The following GAB2 variants were observed in gnomAD, a reference collection of about 807,000 sequenced individuals.
The protein encoded by GAB2 is GRB2 associated binding protein 2.
Under a neutral mutation model 65.5 loss-of-function variants are expected in GAB2, and 26 were observed. That is an observed-to-expected ratio of 0.40 (90% CI 0.29 to 0.55). The LOEUF (loss-of-function observed/expected upper bound fraction) is 0.55. Ranked by LOEUF, GAB2 falls within the 20% of genes least tolerant of loss-of-function variation. GAB2 has a pLI of 0.53. For synonymous variants in GAB2, 321 were observed against 329.6 expected (o/e 0.97, Z 0.28); for missense variants, 884 against 875.8 (o/e 1.01, Z -0.12).
intron 1 of GAB2, among the ~76,000 whole-genome samples, chr11:78,404,106 T>C (rs1434148688): frequency 6.6e-6 from 1 of 152,232 alleles, no homozygotes; most frequent in Non-Finnish European, 1.5e-5. Context: ...CACTGCTGGC[T>C]ATATATCCAA....
chr11:78,386,861 C>T (rs965835201), intron 1 of GAB2, among the ~76,000 whole-genome samples: 7 of 152,160 alleles, frequency 4.6e-5, no homozygotes, highest in South Asian at 2.1e-4. Context: ...CTATCTCTTA[C>T]GAAGAGACAA....
intron 8 of GAB2, 32 bp downstream of exon 8, chr11:78,221,645 G>A: frequency 7.2e-7 from 1 of 1,398,192 alleles, no homozygotes. Context: ...GGACTTGAAA[G>A]GCGTCATTCC....
chr11:78,350,754 C>T (rs972408933), intron 1 of GAB2, among the ~76,000 whole-genome samples: 4 of 152,186 alleles, frequency 2.6e-5, no homozygotes, highest in Admixed American at 6.5e-5. Context: ...TTTACTAAAG[C>T]TCCTTTGCTT....
At chr11:78,275,697 C>A (rs1254275760) in intron 2 of GAB2, among the ~76,000 whole-genome samples, 1 of 152,016 alleles carries the variant, frequency 6.6e-6, no homozygotes, top group Non-Finnish European at 1.5e-5. Flanking sequence ...TAAAATAATT[C>A]CTTTAAAAAG....
intron 1 of GAB2, among the ~76,000 whole-genome samples, chr11:78,343,666 G>A (rs1457725840): frequency 6.6e-6 from 1 of 152,128 alleles, no homozygotes; most frequent in Non-Finnish European, 1.5e-5. Context: ...CAGCAGCACT[G>A]TCAAATACAA....
intron 1 of GAB2, among the ~76,000 whole-genome samples, chr11:78,281,418 T>A (rs1374985588): frequency 6.6e-6 from 1 of 152,148 alleles, no homozygotes; most frequent in Non-Finnish European, 1.5e-5. Flanking sequence ...GCTAATTTTG[T>A]GTTTTTAGTA....
At chr11:78,417,608 C>A in intron 1 of GAB2, 38 bp downstream of exon 1, 1 of 1,205,922 alleles carries the variant, frequency 8.3e-7, no homozygotes, top group Non-Finnish European at 1.1e-6. Flanking sequence ...CCCCGGAGCG[C>A]CCCCCGCCCG....
At chr11:78,240,551 C>T (rs947814281) in intron 3 of GAB2, among the ~76,000 whole-genome samples, 2 of 151,972 alleles carry the variant, frequency 1.3e-5, no homozygotes, top group African/African-American at 4.8e-5. Context: ...TGTTCCCTGC[C>T]CCTCTGTAGC....
At chr11:78,371,619 GATT>G (rs762544616) in intron 1 of GAB2, among the ~76,000 whole-genome samples, 3 of 152,156 alleles carry the variant, frequency 2.0e-5, no homozygotes, top group African/African-American at 4.8e-5. Context: ...ATGAGGATGG[GATT>G]ATTTCTTTGG....
intron 1 of GAB2, among the ~76,000 whole-genome samples, chr11:78,371,838 A>G (rs1367942725): frequency 6.6e-6 from 1 of 152,218 alleles, no homozygotes; most frequent in African/African-American, 2.4e-5. Flanking sequence ...AAAATAAATA[A>G]AAGGTTTTGA....
chr11:78,298,281 AC>A (rs1231656011), intron 1 of GAB2, among the ~76,000 whole-genome samples: 4 of 152,216 alleles, frequency 2.6e-5, no homozygotes, highest in South Asian at 4.1e-4. Context: ...TATGGGAGAT[AC>A]CGGAGAAGGA....
rs1320617720 is a variant in GAB2 at position 78,389,609 on chromosome 11, G to C, written c.75+28037C>G. 3.3e-5 allele frequency among the ~76,000 whole-genome samples: 5 copies of C among 152,262 alleles called. 1 individual carries two copies. Among genetic ancestry groups the C allele is most frequent in the Middle Eastern group, 3.4e-3 (1 of 294 alleles). On this transcript the variant is annotated intron_variant, in intron 1 of 9. Transcript: ENST00000361507. ...GGCGTGAGCCACCGCGCCCGGCCGT[G>C]GTTTTCTTTTCAGGTAAGAATGTTC... is the stretch of plus-strand genomic sequence containing the variant.
At chr11:78,261,104 AT>A (rs1178244978) in intron 2 of GAB2, among the ~76,000 whole-genome samples, 2 of 151,772 alleles carry the variant, frequency 1.3e-5, no homozygotes, top group African/African-American at 4.8e-5. Context: ...TATGTCTGAG[AT>A]ATATATATAT....
At chr11:78,256,158 A>C (rs1423236236) in intron 2 of GAB2, among the ~76,000 whole-genome samples, 1 of 152,266 alleles carries the variant, frequency 6.6e-6, no homozygotes, top group Non-Finnish European at 1.5e-5. Context: ...AAATGGAAAC[A>C]ACCAAAATGT....
At chr11:78,321,988 C>T (rs1855733669) in intron 1 of GAB2, among the ~76,000 whole-genome samples, 1 of 151,700 alleles carries the variant, frequency 6.6e-6, no homozygotes, top group Non-Finnish European at 1.5e-5. Context: ...TAATTATTAA[C>T]TCAAGATAGA....
In GAB2 at chr11:78,219,166, G is replaced by A; in HGVS notation, c.*106C>T. On this transcript the variant is annotated 3_prime_UTR_variant, in exon 10 of 10. Transcript: ENST00000361507. ...AGTGCTTTGAAGGCTGAGACTGGCA[G>A]AGTAGAGAGGAGGTGGATGGGAGGA... 3 of 1,059,208 alleles carry A rather than the reference G, an allele frequency of 2.8e-6. No individual in the cohort carries two copies. Among genetic ancestry groups the A allele is most frequent in the Non-Finnish European group, 4.2e-6 (3 of 714,652 alleles). The allele number at this position is 1,059,208 out of a possible 1,614,324, so 65.6% of individuals were successfully genotyped here.
chr11:78,238,014 C>T (rs1327308500), intron 3 of GAB2, among the ~76,000 whole-genome samples: 5 of 152,020 alleles, frequency 3.3e-5, no homozygotes, highest in Non-Finnish European at 7.4e-5. Context: ...GTGTATAATA[C>T]ACATTGTGAC....
chr11:78,399,995 A>T (rs577122958), intron 1 of GAB2, among the ~76,000 whole-genome samples: 3 of 152,340 alleles, frequency 2.0e-5, no homozygotes, highest in Non-Finnish European at 2.9e-5. Flanking sequence ...GACATTTCAC[A>T]CTGAAGAAGT....
chr11:78,399,038 C>A (rs146042279), intron 1 of GAB2, among the ~76,000 whole-genome samples: 3 of 152,026 alleles, frequency 2.0e-5, no homozygotes, highest in Non-Finnish European at 4.4e-5. Flanking sequence ...TAAAAAATAC[C>A]CTAATTGATC....
Sources: allele counts gnomAD v4.1 joint callset (sites outside exome capture counted in the v4.1 genomes callset), GRCh38; gene constraint gnomAD v4.1.1; transcripts MANE v1.5; gene names NCBI Gene and HGNC (gene_info 2026-07-23, HGNC 2026-07-21).